The following PTPRO variants were observed in gnomAD, a reference collection of about 807,000 sequenced individuals.
PTPRO encodes receptor-type tyrosine-protein phosphatase O.
A neutral mutation model predicts 145.2 loss-of-function variants in PTPRO; 62 were observed. That is an observed-to-expected ratio of 0.43 (90% CI 0.35 to 0.53). The LOEUF (loss-of-function observed/expected upper bound fraction) is 0.53, where lower values mean the gene tolerates loss of function less well. Ranked by LOEUF, PTPRO falls within the 20% of genes least tolerant of loss-of-function variation. The pLI is 0.01. For synonymous variants in PTPRO, 565 were observed against 514.7 expected (o/e 1.10, Z -1.32); for missense variants, 1,345 against 1,482.7 (o/e 0.91, Z 1.53).
chr12:15,589,379 G>GAAA, intron 24 of PTPRO, 76 bp from the exon 25 acceptor site: 3 of 1,266,188 alleles, frequency 2.4e-6, no homozygotes, highest in Non-Finnish European at 3.3e-6. Flanking sequence ...CCATCTCAAA[G>GAAA]AAAAAAAAAA....
At chr12:15,382,051 A>G (rs146404745) in intron 1 of PTPRO, among the ~76,000 whole-genome samples, 118 of 151,844 alleles carry the variant, frequency 7.8e-4, no homozygotes, top group African/African-American at 2.3e-3. Context: ...CAGATTCTCT[A>G]GCAAACAGAG....
rs1942834584 is a variant in PTPRO, at chr12:15,526,224, G to A, written c.2126G>A (p.Arg709Lys). 3.7e-6 allele frequency: 6 copies of A among 1,613,996 alleles called. No individual in the cohort carries two copies. Among genetic ancestry groups the A allele is most frequent in the Non-Finnish European group, 5.1e-6 (6 of 1,179,928 alleles). The change falls in exon 12 of 27, where the codon AGA becomes AAA. Residue 709 changes from arginine (R) to lysine (K), a missense_variant. Coordinates refer to ENST00000281171, the MANE Select transcript of PTPRO (RefSeq NM_030667.3). ...CTCTCAGTAACTGCTTGTACTGAAA[G>A]AGGAAGTAATACCTCCATGCTCCGC... ...YNLSVTACTE[R>K]GSNTSMLRLV...
chr12:15,510,500 T>C lies in PTPRO; in HGVS notation c.1464+1733T>C, dbSNP rs533775537. On this transcript the variant is annotated intron_variant, in intron 7 of 26. Transcript: ENST00000281171. The stretch of plus-strand genomic sequence containing the variant: ...ACATTATATATCTTTCACATAAGAA[T>C]AAAAAGGCTAAAGGTAGAGATAGAT... Among the ~76,000 whole-genome samples the C allele has an allele frequency of 1.2e-4, 19 of 152,290 alleles. No homozygotes were observed. In the South Asian group the frequency reaches 3.9e-3, roughly 32 times the overall value.
intron 1 of PTPRO, among the ~76,000 whole-genome samples, chr12:15,352,649 C>CAAAAAAAAA (rs71042243): frequency 2.0e-5 from 2 of 100,416 alleles, no homozygotes; most frequent in African/African-American, 8.1e-5. Context: ...GACTCTGTCT[C>CAAAAAAAAA]AAAAAAAAAA....
intron 1 of PTPRO, among the ~76,000 whole-genome samples, chr12:15,479,677 C>G (rs1379565078): frequency 6.6e-6 from 1 of 152,208 alleles, no homozygotes. Context: ...GCAGATTTCT[C>G]TCCCCCAGCA....
Position 15,504,162 on chromosome 12 carries a change from AC to A in PTPRO, c.1267+95del, listed in dbSNP as rs945353182. ...ATGCTCAGATGTCAATTATTCACAA[AC>A]CTTAGGGATGATGAGAAGTCTTCAA... is the stretch of plus-strand genomic sequence containing the variant. On this transcript the variant is annotated intron_variant, in intron 6 of 26. Coordinates refer to ENST00000281171, the MANE Select transcript of PTPRO (RefSeq NM_030667.3). 41 of 1,358,584 alleles carry A rather than the reference AC, an allele frequency of 3.0e-5. No individual in the cohort carries two copies. The Admixed American group carries it at 7.6e-4, about 25-fold the overall frequency. The allele number at this position is 1,358,584 out of a possible 1,614,324, so 84.2% of individuals were successfully genotyped here.
intron 1 of PTPRO, among the ~76,000 whole-genome samples, chr12:15,359,341 T>C (rs1938099188): frequency 6.6e-6 from 1 of 152,118 alleles, no homozygotes; most frequent in Non-Finnish European, 1.5e-5. Flanking sequence ...TTATTGATTT[T>C]AATGCCCTTA....
chr12:15,483,933 A>G, intron 1 of PTPRO, 41 bp from the exon 2 acceptor site: 1 of 1,595,090 alleles, frequency 6.3e-7, no homozygotes, highest in Non-Finnish European at 8.6e-7. Flanking sequence ...CAATTATCTG[A>G]ATATAACCTC....
intron 1 of PTPRO, among the ~76,000 whole-genome samples, chr12:15,388,915 C>G (rs1939107386): frequency 6.6e-6 from 1 of 151,458 alleles, no homozygotes; most frequent in South Asian, 2.1e-4. Flanking sequence ...CATTTTTTCT[C>G]CATTCTAGAA....
intron 1 of PTPRO, among the ~76,000 whole-genome samples, chr12:15,462,131 T>C (rs1309855768): frequency 6.6e-6 from 1 of 152,162 alleles, no homozygotes; most frequent in Non-Finnish European, 1.5e-5. Context: ...GTTGCTCATC[T>C]TTTTTCTTTT....
At chr12:15,533,441 A>G (rs1039940858) in intron 12 of PTPRO, among the ~76,000 whole-genome samples, 1 of 152,152 alleles carries the variant, frequency 6.6e-6, no homozygotes, top group African/African-American at 2.4e-5. Context: ...TCTACTAATC[A>G]TGTTATTGTG....
Position 15,465,568 on chromosome 12 carries a change from G to A in PTPRO, c.76-18406G>A, listed in dbSNP as rs1046367880. On this transcript the variant is annotated intron_variant, in intron 1 of 26. Coordinates refer to ENST00000281171, the MANE Select transcript of PTPRO (RefSeq NM_030667.3). ...ACACAGCCATGTGTCCTAAGATTCAGACAGAAGGTTGTGAGTTTACAGGAA... is the reference window on the plus strand; with the variant it reads ...ACACAGCCATGTGTCCTAAGATTCAAACAGAAGGTTGTGAGTTTACAGGAA... Among the ~76,000 whole-genome samples the A allele has an allele frequency of 2.0e-5, 3 of 152,184 alleles. No homozygotes were observed. In the East Asian group the frequency reaches 5.8e-4, roughly 29 times the overall value.
chr12:15,407,194 T>C (rs919151334), intron 1 of PTPRO, among the ~76,000 whole-genome samples: 1 of 152,212 alleles, frequency 6.6e-6, no homozygotes, highest in East Asian at 1.9e-4. Context: ...GGCAAAATTA[T>C]ATTCTGACCT....
rs1866323374 is a variant in PTPRO, at chr12:15,322,518, G to A, written c.-209G>A. 1.6e-6 allele frequency: 1 copy of A among 627,948 alleles called. No homozygotes were observed. The highest frequency in any genetic ancestry group is 2.8e-5 in the East Asian group (1 of 35,784). 38.9% of individuals were successfully genotyped at this position (627,948 alleles called of 1,614,324 possible). A position where few individuals can be genotyped will look rare whatever the true frequency, so the allele number is the denominator to read the frequency against. ...ACCCTCTCCATCCTTAGTCATTAAA[G>A]AACAGCAGCGCCTGGCACGTTCTTG... On this transcript the variant is annotated 5_prime_UTR_variant, in exon 1 of 27. Coordinates refer to ENST00000281171, the MANE Select transcript of PTPRO (RefSeq NM_030667.3). The surrounding 1 kb of genome is among the most constrained non-coding windows in gnomAD (Gnocchi z 6.3).
intron 1 of PTPRO, among the ~76,000 whole-genome samples, chr12:15,477,842 C>T (rs1219032008): frequency 6.6e-6 from 1 of 152,186 alleles, no homozygotes; most frequent in Non-Finnish European, 1.5e-5. Flanking sequence ...GGCATCCCAT[C>T]TACCTTTGAG....
At chr12:15,446,504 T>G (rs1940906696) in intron 1 of PTPRO, among the ~76,000 whole-genome samples, 1 of 151,872 alleles carries the variant, frequency 6.6e-6, no homozygotes, top group Non-Finnish European at 1.5e-5. Context: ...GATATTTTAT[T>G]TTATAATTAA....
At chr12:15,339,664 T>TA (rs1267698599) in intron 1 of PTPRO, among the ~76,000 whole-genome samples, 7 of 152,140 alleles carry the variant, frequency 4.6e-5, no homozygotes, top group Non-Finnish European at 1.0e-4. Context: ...TATGCACTCT[T>TA]AGAGATAAAT....
At chr12:15,569,590 A>C in intron 19 of PTPRO, 92 bp downstream of exon 19, 1 of 1,125,834 alleles carries the variant, frequency 8.9e-7, no homozygotes, top group Non-Finnish European at 1.3e-6. Context: ...GCTCACTGGC[A>C]GTGCGTAACA....
chr12:15,387,483 C>T (rs1239487059), intron 1 of PTPRO, among the ~76,000 whole-genome samples: 2 of 152,192 alleles, frequency 1.3e-5, no homozygotes, highest in Non-Finnish European at 2.9e-5. Flanking sequence ...ATAAGCTGTT[C>T]TCACCCACTT....
Sources: gnomAD v4.1 joint callset for allele counts (sites outside exome capture counted in the v4.1 genomes callset) on GRCh38, gnomAD v4.1.1 for gene constraint, Gnocchi (gnomAD v3.1) non-coding constraint, MANE v1.5 for transcripts, NCBI Gene and HGNC (gene_info 2026-07-23, HGNC 2026-07-21) for gene names.